Variants in PDZRN4 observed in about 807,000 individuals in gnomAD.
PDZRN4 encodes the protein PDZ domain containing ring finger 4.
In PDZRN4, 70 loss-of-function variants were observed where a neutral mutation model predicts 99.0. That is an observed-to-expected ratio of 0.71 (90% CI 0.58 to 0.86). The LOEUF (loss-of-function observed/expected upper bound fraction) is 0.86. PDZRN4 is among the 40% of genes least tolerant of loss of function. PDZRN4 has a pLI of 0.00. For synonymous variants in PDZRN4, 551 were observed against 501.6 expected (o/e 1.10, Z -1.32); for missense variants, 1,474 against 1,331.2 (o/e 1.11, Z -1.67).
chr12:41,325,709 G>C (rs1420644696), intron 3 of PDZRN4, among the ~76,000 whole-genome samples: 1 of 152,140 alleles, frequency 6.6e-6, no homozygotes, highest in Non-Finnish European at 1.5e-5. Context: ...CAGTTAATGT[G>C]ATTTTCAAAC....
intron 5 of PDZRN4, among the ~76,000 whole-genome samples, chr12:41,536,706 C>A (rs1325681882): frequency 6.8e-6 from 1 of 147,596 alleles, no homozygotes; most frequent in Non-Finnish European, 1.5e-5. Context: ...GTACTTTCTG[C>A]TAAATTTTTC....
At chr12:41,225,619 C>T (rs901347041) in intron 3 of PDZRN4, among the ~76,000 whole-genome samples, 13 of 141,824 alleles carry the variant, frequency 9.2e-5, no homozygotes, top group Non-Finnish European at 1.6e-4. Flanking sequence ...TTTAATTTCT[C>T]TCTGTTTTCT....
intron 3 of PDZRN4, among the ~76,000 whole-genome samples, chr12:41,386,567 C>A (rs1188531020): frequency 6.6e-6 from 1 of 152,100 alleles, no homozygotes. Context: ...TTTATAAGTT[C>A]AATGCTATAC....
chr12:41,422,898 TG>T (rs1952504208), intron 3 of PDZRN4, among the ~76,000 whole-genome samples: 2 of 152,182 alleles, frequency 1.3e-5, no homozygotes, highest in South Asian at 4.1e-4. Context: ...TTTGTCAATA[TG>T]GCATTTATCC....
At chr12:41,523,472 A>C (rs1011825268) in intron 5 of PDZRN4, among the ~76,000 whole-genome samples, 1 of 152,114 alleles carries the variant, frequency 6.6e-6, no homozygotes, top group Non-Finnish European at 1.5e-5. Flanking sequence ...CAGAGCTAAG[A>C]ATGTCAGCCT....
At chr12:41,432,399 A>G (rs1302278550) in intron 3 of PDZRN4, among the ~76,000 whole-genome samples, 1 of 152,200 alleles carries the variant, frequency 6.6e-6, no homozygotes, top group Non-Finnish European at 1.5e-5. Context: ...AAGCAATCCT[A>G]TGGGGGAAAA....
chr12:41,471,550 C>A (rs973095493), intron 3 of PDZRN4, among the ~76,000 whole-genome samples: 6 of 148,926 alleles, frequency 4.0e-5, no homozygotes, highest in African/African-American at 1.2e-4. Flanking sequence ...TATATAATTT[C>A]TATAATAAAT....
intron 3 of PDZRN4, among the ~76,000 whole-genome samples, chr12:41,419,580 T>C (rs1423200785): frequency 1.3e-5 from 2 of 152,168 alleles, no homozygotes; most frequent in East Asian, 3.9e-4. Flanking sequence ...TTGGCAGGAA[T>C]TGTAAGCTTC....
rs1203360835 is a variant in PDZRN4, at chr12:41,397,212, A to G, written c.844-109244A>G. Among the ~76,000 whole-genome samples the G allele has an allele frequency of 6.7e-4, 102 of 152,168 alleles. 1 individual carries two copies. Among genetic ancestry groups the G allele is most frequent in the Non-Finnish European group, 5.9e-5 (4 of 68,020 alleles). On this transcript the variant is annotated intron_variant, in intron 3 of 9. Coordinates refer to ENST00000402685, the MANE Select transcript of PDZRN4 (RefSeq NM_001164595.2). ...GTTAAATGAATGACACTGTGTTAAA[A>G]TAAAACACTAATAAAATACTGGAAT...
At chr12:41,436,374 A>G (rs1405642996) in intron 3 of PDZRN4, among the ~76,000 whole-genome samples, 1 of 152,230 alleles carries the variant, frequency 6.6e-6, no homozygotes, top group Non-Finnish European at 1.5e-5. Context: ...TTTGTTAACA[A>G]TTAGTGCTCA....
At chr12:41,308,133 C>T (rs1253520151) in intron 3 of PDZRN4, among the ~76,000 whole-genome samples, 1 of 151,974 alleles carries the variant, frequency 6.6e-6, no homozygotes, top group Non-Finnish European at 1.5e-5. Context: ...AAATTCATAA[C>T]TTTTCTGTAT....
chr12:41,247,316 T>G (rs1398640576), intron 3 of PDZRN4, among the ~76,000 whole-genome samples: 1 of 151,970 alleles, frequency 6.6e-6, no homozygotes, highest in African/African-American at 2.4e-5. Context: ...TAGCATTACC[T>G]GAGGAGCTGC....
At chr12:41,240,267 A>G (rs373412886) in intron 3 of PDZRN4, among the ~76,000 whole-genome samples, 4 of 152,212 alleles carry the variant, frequency 2.6e-5, no homozygotes, top group African/African-American at 9.6e-5. Context: ...CATCAATGAC[A>G]TAATGAGATT....
At chr12:41,534,545 G>T (rs546626760) in intron 5 of PDZRN4, among the ~76,000 whole-genome samples, 1 of 152,136 alleles carries the variant, frequency 6.6e-6, no homozygotes, top group East Asian at 1.9e-4. Context: ...AATATGCATT[G>T]TTTGTTTTTC....
At chr12:41,462,153 T>C (rs1952879293) in intron 3 of PDZRN4, among the ~76,000 whole-genome samples, 1 of 152,216 alleles carries the variant, frequency 6.6e-6, no homozygotes, top group Non-Finnish European at 1.5e-5. Context: ...GAAAATTAAC[T>C]TACATTTTAA....
intron 3 of PDZRN4, among the ~76,000 whole-genome samples, chr12:41,386,566 T>A (rs1474446453): frequency 6.6e-6 from 1 of 152,194 alleles, no homozygotes. Context: ...ATTTATAAGT[T>A]CAATGCTATA....
At chr12:41,558,067 G>A (rs189019312) in intron 7 of PDZRN4, among the ~76,000 whole-genome samples, 56 of 152,214 alleles carry the variant, frequency 3.7e-4, no homozygotes, top group Admixed American at 1.2e-3. Flanking sequence ...GACCATTTTC[G>A]TGTGTCATCC....
Position 41,495,753 on chromosome 12 carries a change from T to C in PDZRN4, c.844-10703T>C, listed in dbSNP as rs146753306. ...GATCTATGTTAAAGCTGTCTTTCTC[T>C]ACAACCTCTTCTCCAAGACTCAGTC... On this transcript the variant is annotated intron_variant, in intron 3 of 9. Transcript: ENST00000402685. 3.7e-3 allele frequency among the ~76,000 whole-genome samples: 563 copies of C among 152,220 alleles called. 5 individuals are homozygous for C. Among genetic ancestry groups the C allele is most frequent in the African/African-American group, 0.012 (486 of 41,570 alleles).
rs531957431 is a variant in PDZRN4 at position 41,193,866 on chromosome 12, G to T, written c.736-215G>T. Among the ~76,000 whole-genome samples, 3 of 152,212 alleles carry T rather than the reference G, an allele frequency of 2.0e-5. No homozygotes were observed. In the East Asian group the frequency reaches 5.8e-4, roughly 29 times the overall value. ...TGAACTCAAAAATGTGAAGTAAATAGATAATCTTGTCAGAGACCCTGGACT... is the reference window on the plus strand; with the variant it reads ...TGAACTCAAAAATGTGAAGTAAATATATAATCTTGTCAGAGACCCTGGACT... On this transcript the variant is annotated intron_variant, in intron 2 of 9. Coordinates refer to ENST00000402685, the MANE Select transcript of PDZRN4 (RefSeq NM_001164595.2).
Sources: allele counts gnomAD v4.1 joint callset (sites outside exome capture counted in the v4.1 genomes callset), GRCh38; gene constraint gnomAD v4.1.1; transcripts MANE v1.5; gene names NCBI Gene and HGNC (gene_info 2026-07-23, HGNC 2026-07-21).